The following LINC00632 variants were observed in gnomAD, a reference collection of about 807,000 sequenced individuals.
LINC00632 encodes the protein ALDOA related specific transcript.
At chrX:140,778,377 C>T (rs973463940) in exon 5 of LINC00632, among the ~76,000 whole-genome samples, 5 of 111,588 alleles carry the variant, frequency 4.5e-5, no homozygotes, top group South Asian at 3.7e-4. Context: ...GAGGCCGAGG[C>T]GGGCAGATCA....
exon 5 of LINC00632, among the ~76,000 whole-genome samples, chrX:140,786,607 A>G (rs982688781): frequency 4.5e-5 from 5 of 111,523 alleles, no homozygotes; most frequent in African/African-American, 1.6e-4. Flanking sequence ...TAAAATATAT[A>G]TGAAGTACTA....
At chrX:140,714,439 C>T (rs1202825439) in intron 2 of LINC00632, 1 of 112,767 alleles carries the variant, frequency 8.9e-6, no homozygotes, top group African/African-American at 3.3e-5. Context: ...ATATATCACT[C>T]CTTGATGCAC....
At chrX:140,712,547 C>T (rs1422381773) in intron 2 of LINC00632, among the ~76,000 whole-genome samples, 1 of 109,171 alleles carries the variant, frequency 9.2e-6, no homozygotes, top group Non-Finnish European at 1.9e-5. Flanking sequence ...GTTTGCCAGC[C>T]TGTTGCTGGC....
chrX:140,753,735 T>C (rs1602746722), intron 3 of LINC00632, among the ~76,000 whole-genome samples: 2 of 107,241 alleles, frequency 1.9e-5, no homozygotes, highest in South Asian at 8.5e-4. Flanking sequence ...ATACCCATGG[T>C]GCCTATATTT....
At chrX:140,754,124 A>C (rs1359684821) in intron 3 of LINC00632, among the ~76,000 whole-genome samples, 1 of 111,561 alleles carries the variant, frequency 9.0e-6, no homozygotes, top group Non-Finnish European at 1.9e-5. Context: ...TATTCCTGTT[A>C]TATTTGACCT....
chrX:140,783,800 A>G (rs746947598), exon 5 of LINC00632: 1 of 1,209,173 alleles, frequency 8.3e-7, no homozygotes, highest in Non-Finnish European at 1.1e-6. Context: ...TCTTCCAGAA[A>G]ATCCATGTCT....
At chrX:140,724,935 C>T (rs1930907576) in intron 2 of LINC00632, among the ~76,000 whole-genome samples, 1 of 68,226 alleles carries the variant, frequency 1.5e-5, no homozygotes, top group Admixed American at 1.7e-4. Context: ...ATTCCGTATA[C>T]ACACACAGAC....
chrX:140,724,925 AT>A lies in LINC00632; in HGVS notation n.105-8951del, dbSNP rs1445868158. Reference sequence around the variant, plus strand: ...ACACACATTCCATATACACATACACATTCCGTATACACACACAGACTCATTC... The same window carrying A: ...ACACACATTCCATATACACATACACATCCGTATACACACACAGACTCATTC... On this transcript the variant is annotated intron_variant and non_coding_transcript_variant, in intron 2 of 4. Coordinates refer to ENST00000648200, the Ensembl canonical transcript of LINC00632. Among the ~76,000 whole-genome samples the A allele has an allele frequency of 6.9e-5, 5 of 72,250 alleles. No individual in the cohort carries two copies. In the East Asian group the frequency reaches 2.2e-3, roughly 31 times the overall value. The allele number at this position is 72,250 out of a possible 115,157, so 62.7% of individuals were successfully genotyped here.
At chrX:140,723,793 C>T (rs1377602284) in intron 2 of LINC00632, among the ~76,000 whole-genome samples, 1 of 704 alleles carries the variant, frequency 1.4e-3, no homozygotes, top group Non-Finnish European at 3.2e-3. Context: ...TACACACATA[C>T]ATACACACAC....
intron 3 of LINC00632, among the ~76,000 whole-genome samples, chrX:140,738,222 A>G (rs182741264): frequency 6.4e-4 from 71 of 111,798 alleles, no homozygotes; most frequent in Middle Eastern, 9.3e-3. Context: ...GTTCTTAGGT[A>G]GATTCATTTT....
At chrX:140,737,894 CAT>C (rs1206356242) in intron 3 of LINC00632, among the ~76,000 whole-genome samples, 2 of 112,017 alleles carry the variant, frequency 1.8e-5, no homozygotes, top group Non-Finnish European at 3.8e-5. Flanking sequence ...AGGTTGATTC[CAT>C]ATCTTTGCTA....
rs757501792 is a variant in LINC00632, at chrX:140,742,758, T to C, written n.191+8794T>C. Among the ~76,000 whole-genome samples, 5 of 106,558 alleles carry C rather than the reference T, an allele frequency of 4.7e-5. No individual in the cohort carries two copies. In the South Asian group the frequency reaches 2.2e-3, roughly 46 times the overall value. The allele number at this position is 106,558 out of a possible 115,157, so 92.5% of individuals were successfully genotyped here. A position where few individuals can be genotyped will look rare whatever the true frequency, so the allele number is the denominator to read the frequency against. On this transcript the variant is annotated intron_variant and non_coding_transcript_variant, in intron 3 of 4. Transcript: ENST00000648200. ...TCTAAAATACGTATATGGAAAGCAATTAGTGTGACTTTGAGCTGACAAAAC... is the reference window on the plus strand; with the variant it reads ...TCTAAAATACGTATATGGAAAGCAACTAGTGTGACTTTGAGCTGACAAAAC...
At chrX:140,727,705 A>C (rs2148383790) in intron 2 of LINC00632, among the ~76,000 whole-genome samples, 1 of 112,256 alleles carries the variant, frequency 8.9e-6, no homozygotes, top group East Asian at 2.8e-4. Flanking sequence ...GTCATGTACC[A>C]GAGTACTACA....
At chrX:140,753,281 T>C (rs1055556377) in intron 3 of LINC00632, among the ~76,000 whole-genome samples, 2 of 112,235 alleles carry the variant, frequency 1.8e-5, no homozygotes, top group Non-Finnish European at 3.8e-5. Context: ...CCTTCCACTC[T>C]TGGGCCTCAA....
At chrX:140,732,500 A>C (rs1390783171) in intron 2 of LINC00632, among the ~76,000 whole-genome samples, 1 of 111,943 alleles carries the variant, frequency 8.9e-6, no homozygotes, top group Non-Finnish European at 1.9e-5. Flanking sequence ...TCACGTGTCA[A>C]CATACACACA....
At chrX:140,711,900 GC>G (rs910028492) in intron 2 of LINC00632, 13 of 126,485 alleles carry the variant, frequency 1.0e-4, no homozygotes, top group Admixed American at 4.8e-4. Context: ...TTATTTAATT[GC>G]TTCATTTTTT....
chrX:140,746,102 ATATT>A (rs1931323678), intron 3 of LINC00632, among the ~76,000 whole-genome samples: 1 of 112,316 alleles, frequency 8.9e-6, no homozygotes, highest in Non-Finnish European at 1.9e-5. Flanking sequence ...GTAGTAGTAT[ATATT>A]TATGGGGTAC....
At chrX:140,769,482 C>T (rs946936141) in intron 3 of LINC00632, among the ~76,000 whole-genome samples, 1 of 109,619 alleles carries the variant, frequency 9.1e-6, no homozygotes, top group Non-Finnish European at 1.9e-5. Flanking sequence ...CACCCCACCC[C>T]CCCCATGAAA....
chrX:140,765,304 G>C (rs1602750883), intron 3 of LINC00632, among the ~76,000 whole-genome samples: 2 of 111,229 alleles, frequency 1.8e-5, no homozygotes, highest in African/African-American at 6.5e-5. Flanking sequence ...TGTTCACCGA[G>C]GCCCTGGGGT....
Sources: gnomAD v4.1 joint callset for allele counts (sites outside exome capture counted in the v4.1 genomes callset) on GRCh38, gnomAD v4.1.1 for gene constraint, MANE v1.5 for transcripts, NCBI Gene and HGNC (gene_info 2026-07-23, HGNC 2026-07-21) for gene names.